ITGA8: variants seen among roughly 807,000 people sequenced by gnomAD.
ITGA8 encodes integrin alpha-8.
In ITGA8, 91 loss-of-function variants were observed where a neutral mutation model predicts 142.3. That is an observed-to-expected ratio of 0.64 (90% CI 0.54 to 0.76). The LOEUF (loss-of-function observed/expected upper bound fraction) is 0.76, where lower values mean the gene tolerates loss of function less well. ITGA8 is among the 30% of genes least tolerant of loss of function. The pLI, the probability that ITGA8 is intolerant of heterozygous loss-of-function variation, is 0.00. For missense variants in ITGA8, 1,406 were observed against 1,327.7 expected, an observed-to-expected ratio of 1.06 and a Z score of -0.92; for synonymous variants, 505 against 485.2, an observed-to-expected ratio of 1.04 and a Z score of -0.54.
intron 10 of ITGA8, 125 bp from the exon 11 acceptor site, chr10:15,655,531 T>A: frequency 1.4e-6 from 1 of 717,802 alleles, no homozygotes; most frequent in Admixed American, 2.4e-5. Flanking sequence ...CATAGATTCT[T>A]CGAAGTGGCC....
At position 15,515,163 on chromosome 10, in the gene ITGA8, T is replaced by G. The variant is rs1832941770; in HGVS notation, c.*1995A>C. ...GCTGTCTGGCATCGCTCACATCACATCCTGTAGATGGCCACCTACTTGTAA... is the reference window on the plus strand; with the variant it reads ...GCTGTCTGGCATCGCTCACATCACAGCCTGTAGATGGCCACCTACTTGTAA... On this transcript the variant is annotated 3_prime_UTR_variant, in exon 30 of 30. Coordinates refer to ENST00000378076, the MANE Select transcript of ITGA8 (RefSeq NM_003638.3). 6.6e-6 allele frequency: 1 copy of G among 152,120 alleles called. No individual in the cohort carries two copies. The highest frequency in any genetic ancestry group is 1.5e-5 in the Non-Finnish European group (1 of 68,100). 9.4% of individuals were successfully genotyped at this position (152,120 alleles called of 1,614,324 possible). A position where few individuals can be genotyped will look rare whatever the true frequency, so the allele number is the denominator to read the frequency against.
chr10:15,659,580 A>G (rs1452319198), intron 9 of ITGA8, among the ~76,000 whole-genome samples: 1 of 152,200 alleles, frequency 6.6e-6, no homozygotes, highest in African/African-American at 2.4e-5. Context: ...TGCTTTTCCT[A>G]ATTTCATAAT....
intron 25 of ITGA8, among the ~76,000 whole-genome samples, chr10:15,571,199 A>G (rs2131580444): frequency 6.6e-6 from 1 of 152,334 alleles, no homozygotes; most frequent in East Asian, 1.9e-4. Flanking sequence ...CCCTTTGAAT[A>G]GGAGGCATGT....
At chr10:15,654,759 A>G (rs773710296) in intron 11 of ITGA8, among the ~76,000 whole-genome samples, 2 of 152,160 alleles carry the variant, frequency 1.3e-5, no homozygotes, top group African/African-American at 2.4e-5. Flanking sequence ...GATACATCTC[A>G]ATCTAATGGT....
At chr10:15,577,835 T>G (rs1588655139) in intron 23 of ITGA8, among the ~76,000 whole-genome samples, 1 of 152,278 alleles carries the variant, frequency 6.6e-6, no homozygotes, top group Non-Finnish European at 1.5e-5. Context: ...CGTCCTAAGA[T>G]GGAAGATAGA....
intron 6 of ITGA8, 141 bp from the exon 7 acceptor site, chr10:15,672,890 C>A: frequency 2.3e-6 from 2 of 854,950 alleles, no homozygotes; most frequent in Non-Finnish European, 3.4e-6. Flanking sequence ...GCTCAAACTC[C>A]AAGGCAGAGT....
chr10:15,608,096 T>C lies in ITGA8; in HGVS notation c.1609+139A>G, dbSNP rs374003705. The C allele has an allele frequency of 1.2e-5, 8 of 688,980 alleles. No homozygotes were observed. The South Asian group carries it at 1.4e-4, about 12-fold the overall frequency. The allele number at this position is 688,980 out of a possible 1,614,324, so 42.7% of individuals were successfully genotyped here. ...TTACCAAGTATTGAAGTAATATTTATTAGAAGGTTCCATATATGCAACAGA... is the reference window on the plus strand; with the variant it reads ...TTACCAAGTATTGAAGTAATATTTACTAGAAGGTTCCATATATGCAACAGA... On this transcript the variant is annotated intron_variant, in intron 16 of 29. Coordinates refer to ENST00000378076, the MANE Select transcript of ITGA8 (RefSeq NM_003638.3).
intron 13 of ITGA8, among the ~76,000 whole-genome samples, chr10:15,627,999 G>T (rs1334147754): frequency 6.6e-6 from 1 of 151,970 alleles, no homozygotes; most frequent in South Asian, 2.1e-4. Context: ...CTCATTATAT[G>T]CTAATTATAA....
chr10:15,678,615 C>G (rs755862322), intron 5 of ITGA8, 107 bp downstream of exon 5: 44 of 727,552 alleles, frequency 6.0e-5, no homozygotes, highest in Non-Finnish European at 8.6e-5. Context: ...CCTCAAGATT[C>G]TTTGGTTCTT....
At chr10:15,518,457 G>A (rs1462713721) in intron 29 of ITGA8, among the ~76,000 whole-genome samples, 13 of 152,210 alleles carry the variant, frequency 8.5e-5, no homozygotes, top group Middle Eastern at 3.2e-3. Context: ...GATCAGAAAC[G>A]CCATTCCTTA....
rs1443751050 is a variant in ITGA8 at position 15,684,074 on chromosome 10, G to T, written c.498C>A (p.Asp166Glu). The part of the protein sequence containing the change: ...WRTLKPTPEK[D>E]PVGTCYVAIQ... Reference sequence around the variant, plus strand: ...TTGCTACATAGCAGGTGCCAACTGGGTCCTTTTCTGGTGTCGGTTTAAGAG... The same window carrying T: ...TTGCTACATAGCAGGTGCCAACTGGTTCCTTTTCTGGTGTCGGTTTAAGAG... Residue 166 changes from aspartate to glutamate, a missense_variant, in exon 4 of 30, where the codon GAC becomes GAA. By Grantham distance (45) the Asp-to-Glu change is conservative (BLOSUM62 2). Transcript: ENST00000378076. 3.7e-6 allele frequency: 6 copies of T among 1,614,108 alleles called. No individual in the cohort carries two copies. The highest frequency in any genetic ancestry group is 5.1e-6 in the Non-Finnish European group (6 of 1,179,958).
chr10:15,690,437 C>T (rs563989404), intron 2 of ITGA8, among the ~76,000 whole-genome samples: 113 of 152,296 alleles, frequency 7.4e-4, no homozygotes, highest in African/African-American at 2.4e-3. Context: ...TCCTGGGCCT[C>T]GGCTACAGGT....
At chr10:15,645,244 C>A (rs1000791992) in intron 12 of ITGA8, among the ~76,000 whole-genome samples, 2 of 152,166 alleles carry the variant, frequency 1.3e-5, no homozygotes, top group South Asian at 4.1e-4. Context: ...CCCTTGTTTA[C>A]TCTCAGTGAA....
At chr10:15,637,859 T>C (rs1478774020) in intron 13 of ITGA8, among the ~76,000 whole-genome samples, 1 of 151,984 alleles carries the variant, frequency 6.6e-6, no homozygotes, top group Non-Finnish European at 1.5e-5. Context: ...TGAGGTGTCA[T>C]CCAATCCTAC....
At chr10:15,534,979 G>T (rs1050280805) in intron 27 of ITGA8, among the ~76,000 whole-genome samples, 1 of 152,192 alleles carries the variant, frequency 6.6e-6, no homozygotes, top group Non-Finnish European at 1.5e-5. Flanking sequence ...GGAGAGGCAC[G>T]GGGGGAGAGG....
chr10:15,582,241 A>G (rs1834421313), intron 23 of ITGA8, among the ~76,000 whole-genome samples: 1 of 152,216 alleles, frequency 6.6e-6, no homozygotes, highest in African/African-American at 2.4e-5. Context: ...CCTGTCTCAA[A>G]AAAAAGAAGA....
At chr10:15,601,478 A>T (rs559184117) in intron 20 of ITGA8, among the ~76,000 whole-genome samples, 2 of 152,276 alleles carry the variant, frequency 1.3e-5, no homozygotes, top group Admixed American at 6.5e-5. Context: ...ATGATGTAAA[A>T]GGTCTGGAGA....
At chr10:15,578,100 G>A (rs546304730) in intron 23 of ITGA8, among the ~76,000 whole-genome samples, 5 of 152,054 alleles carry the variant, frequency 3.3e-5, no homozygotes, top group Non-Finnish European at 7.4e-5. Context: ...ATCAAAACCA[G>A]AATATTGTCA....
At chr10:15,590,393 C>T (rs551468605) in intron 22 of ITGA8, among the ~76,000 whole-genome samples, 34 of 152,306 alleles carry the variant, frequency 2.2e-4, no homozygotes, top group Non-Finnish European at 4.3e-4. Context: ...CTAGTAATTG[C>T]ATCCATTCTC....
Sources: gnomAD v4.1 joint callset for allele counts (sites outside exome capture counted in the v4.1 genomes callset) on GRCh38, gnomAD v4.1.1 for gene constraint, MANE v1.5 for transcripts, NCBI Gene and HGNC (gene_info 2026-07-23, HGNC 2026-07-21) for gene names.